The following NRG1 variants were observed in gnomAD, a reference collection of about 807,000 sequenced individuals.
The protein encoded by NRG1 is pro-neuregulin-1, membrane-bound isoform.
NRG1 carries 18 observed loss-of-function variants against 63.8 expected under a neutral mutation model. The ratio of observed to expected loss-of-function variants is 0.28; its 90% CI spans 0.19 to 0.42. The LOEUF (loss-of-function observed/expected upper bound fraction) is 0.42, where lower values mean the gene tolerates loss of function less well. Among genes scored for constraint, NRG1 ranks in the 10% least tolerant of loss-of-function variants. The probability of loss-of-function intolerance (pLI) is 1.00; values close to 1 mark genes in which losing one functional copy is unlikely to be tolerated. For missense variants in NRG1, 762 were observed against 814.7 expected, an observed-to-expected ratio of 0.94 and a Z score of 0.79; for synonymous variants, 302 against 301.3, an observed-to-expected ratio of 1.00 and a Z score of -0.02.
chr8:32,228,480 A>C (rs1846564296), intron 1 of NRG1, among the ~76,000 whole-genome samples: 1 of 152,138 alleles, frequency 6.6e-6, no homozygotes, highest in Non-Finnish European at 1.5e-5. Flanking sequence ...GTTTCAGTAT[A>C]AAAAAGATGA....
At chr8:31,901,561 A>T (rs1832082009) in intron 1 of NRG1, among the ~76,000 whole-genome samples, 1 of 152,214 alleles carries the variant, frequency 6.6e-6, no homozygotes, top group Non-Finnish European at 1.5e-5. Context: ...CAAAGGCCAA[A>T]GATCCATTTT....
chr8:31,962,874 C>T (rs934213522), intron 1 of NRG1, among the ~76,000 whole-genome samples: 2 of 152,058 alleles, frequency 1.3e-5, no homozygotes, highest in African/African-American at 2.4e-5. Flanking sequence ...CTAGGGCTAG[C>T]GTACTAAAAC....
intron 1 of NRG1, among the ~76,000 whole-genome samples, chr8:31,814,689 ATAAT>A (rs938834677): frequency 5.4e-4 from 81 of 150,000 alleles, no homozygotes; most frequent in African/African-American, 1.7e-3. Context: ...TAAATATTAA[ATAAT>A]TAATAATAAA....
intron 1 of NRG1, among the ~76,000 whole-genome samples, chr8:31,655,143 G>A (rs1805305052): frequency 6.6e-6 from 1 of 152,128 alleles, no homozygotes; most frequent in Non-Finnish European, 1.5e-5. Context: ...TAGAAAAAGA[G>A]AAGCAGTAAG....
chr8:32,356,215 G>C (rs1563353494), intron 1 of NRG1, among the ~76,000 whole-genome samples: 1 of 152,140 alleles, frequency 6.6e-6, no homozygotes, highest in Non-Finnish European at 1.5e-5. Context: ...TCAAACATAT[G>C]AAGAGAAATG....
chr8:32,257,667 C>T (rs1849885196), intron 1 of NRG1, among the ~76,000 whole-genome samples: 1 of 152,004 alleles, frequency 6.6e-6, no homozygotes, highest in Non-Finnish European at 1.5e-5. Flanking sequence ...CACTAGATAA[C>T]TCTTGATTTC....
chr8:32,375,043 C>T (rs552174720), intron 1 of NRG1, among the ~76,000 whole-genome samples: 24 of 152,230 alleles, frequency 1.6e-4, no homozygotes, highest in African/African-American at 5.3e-4. Context: ...AGTGCAGTGG[C>T]GAAGTCTTGG....
At chr8:31,643,731 G>T (rs1163999574) in intron 1 of NRG1, among the ~76,000 whole-genome samples, 1 of 152,194 alleles carries the variant, frequency 6.6e-6, no homozygotes, top group Non-Finnish European at 1.5e-5. Context: ...TGGAATGCAG[G>T]ATAATTTGCT....
chr8:32,758,406 A>G (rs1458049466), intron 9 of NRG1, among the ~76,000 whole-genome samples: 2 of 151,776 alleles, frequency 1.3e-5, no homozygotes, highest in Non-Finnish European at 2.9e-5. Context: ...GTGAAACCCC[A>G]TCTCTGCTAA....
intron 1 of NRG1, among the ~76,000 whole-genome samples, chr8:32,277,219 C>T (rs1852204530): frequency 6.6e-6 from 1 of 152,126 alleles, no homozygotes; most frequent in Non-Finnish European, 1.5e-5. Context: ...GCTCGCATTA[C>T]AAAATGACAC....
At chr8:31,726,618 T>C (rs985555679) in intron 1 of NRG1, among the ~76,000 whole-genome samples, 4 of 152,116 alleles carry the variant, frequency 2.6e-5, no homozygotes, top group African/African-American at 4.8e-5. Flanking sequence ...AGGAGATTTA[T>C]TGGGGAGTGC....
intron 1 of NRG1, among the ~76,000 whole-genome samples, chr8:32,558,424 A>G (rs1835615440): frequency 6.6e-6 from 1 of 152,164 alleles, no homozygotes; most frequent in African/African-American, 2.4e-5. Flanking sequence ...AGATATGCTG[A>G]TTTCCTTCTC....
chr8:32,093,705 T>C (rs1157694671), intron 1 of NRG1, among the ~76,000 whole-genome samples: 1 of 152,224 alleles, frequency 6.6e-6, no homozygotes, highest in East Asian at 1.9e-4. Flanking sequence ...ATCCATGAGA[T>C]AATTCATTTA....
chr8:32,413,246 T>C (rs1013908080), intron 1 of NRG1, among the ~76,000 whole-genome samples: 3 of 152,228 alleles, frequency 2.0e-5, no homozygotes, highest in African/African-American at 7.2e-5. Flanking sequence ...GGTTAAATGT[T>C]CTATGATGTA....
At chr8:32,637,001 A>G (rs1037669263) in intron 5 of NRG1, among the ~76,000 whole-genome samples, 2 of 152,186 alleles carry the variant, frequency 1.3e-5, no homozygotes, top group African/African-American at 4.8e-5. Context: ...ATAGGTAATG[A>G]GTTTTATAAT....
chr8:32,165,879 C>T (rs769857040), intron 1 of NRG1, among the ~76,000 whole-genome samples: 4 of 152,048 alleles, frequency 2.6e-5, no homozygotes, highest in Non-Finnish European at 4.4e-5. Flanking sequence ...ATTCATTGCC[C>T]CGAAAGCACC....
At chr8:31,794,856 GCAGCAGC>G (rs1821051567) in intron 1 of NRG1, among the ~76,000 whole-genome samples, 1 of 152,080 alleles carries the variant, frequency 6.6e-6, no homozygotes, top group Non-Finnish European at 1.5e-5. Flanking sequence ...AGGCTGGAGT[GCAGCAGC>G]ACAATCTCAG....
intron 5 of NRG1, among the ~76,000 whole-genome samples, chr8:32,660,086 G>T (rs766158092): frequency 6.6e-6 from 1 of 152,196 alleles, no homozygotes; most frequent in South Asian, 2.1e-4. Flanking sequence ...GTACCAAACA[G>T]TGTACAGGTT....
chr8:32,034,096 T>C (rs1242710857), intron 1 of NRG1, among the ~76,000 whole-genome samples: 1 of 152,216 alleles, frequency 6.6e-6, no homozygotes, highest in Non-Finnish European at 1.5e-5. Context: ...TTGTTATAAA[T>C]GGCTCTTATT....
Sources: allele counts gnomAD v4.1 joint callset (sites outside exome capture counted in the v4.1 genomes callset), GRCh38; gene constraint gnomAD v4.1.1; transcripts MANE v1.5; gene names NCBI Gene and HGNC (gene_info 2026-07-23, HGNC 2026-07-21).